Variants in WARS1 observed in about 807,000 individuals in gnomAD.
WARS1 encodes tryptophanyl-tRNA synthetase 1, also known as tryptophan--tRNA ligase, cytoplasmic.
Under a neutral mutation model 47.8 loss-of-function variants are expected in WARS1, and 17 were observed. The ratio of observed to expected loss-of-function variants is 0.36; its 90% CI spans 0.24 to 0.53. WARS1 has a LOEUF of 0.53. Among genes scored for constraint, WARS1 ranks in the 20% least tolerant of loss-of-function variants. The pLI is 0.91. For synonymous variants in WARS1, 208 were observed against 228.1 expected (o/e 0.91, Z 0.79); for missense variants, 434 against 608.0 (o/e 0.71, Z 3.01).
At position 100,361,869 on chromosome 14, in the gene WARS1, T is replaced by C. The variant is rs769820335; in HGVS notation, c.152A>G (p.Lys51Arg). The C allele has an allele frequency of 1.1e-5, 18 of 1,614,136 alleles. No individual in the cohort carries two copies. The East Asian group carries it at 4.0e-4, about 36-fold the overall frequency. The change falls in exon 3 of 11, where the codon AAA becomes AGA. Residue 51 changes from lysine (K) to arginine (R), a missense_variant. Lys to Arg is a conservative substitution (Grantham distance 26). This residue lies in a region of WARS1 where 87 missense variants were observed against 84.2 expected (regional missense o/e 1.03). Transcript: ENST00000392882. ...CTTGTAATCCTCCCCCGCGGCAGCT[T>C]TGTAGCTCATTTTTAATGACACCAA... Reference protein sequence around the residue: ...KMLVSLKMSYKAAAGEDYKAD... With the variant: ...KMLVSLKMSYRAAAGEDYKAD...
In WARS1 at chr14:100,346,861, A is replaced by G. The variant is rs374166102; in HGVS notation, c.726-15T>C. ...CTGAGCTCATCCTGCAAAGACAACG[A>G]GAATGAAATCCCAAACGGAGGGCGG... On this transcript the variant is annotated splice_polypyrimidine_tract_variant and intron_variant, in intron 6 of 10. Coordinates refer to ENST00000392882, the MANE Select transcript of WARS1 (RefSeq NM_004184.4). The G allele has an allele frequency of 6.2e-7, 1 of 1,608,600 alleles. No individual in the cohort carries two copies. Among genetic ancestry groups the G allele is most frequent in the Non-Finnish European group, 8.5e-7 (1 of 1,175,272 alleles).
At chr14:100,349,629 T>G (rs1894843517) in intron 6 of WARS1, among the ~76,000 whole-genome samples, 1 of 152,258 alleles carries the variant, frequency 6.6e-6, no homozygotes, top group Admixed American at 6.5e-5. Context: ...ATTTAAGGAC[T>G]TGCCCAAGGG....
At position 100,354,539 on chromosome 14, in the gene WARS1, A is replaced by G; in HGVS notation, c.450T>C (p.Tyr150=). Residue 150 remains tyrosine, a synonymous_variant, in exon 5 of 11, where the codon TAT becomes TAC. Transcript: ENST00000392882. The part of the protein sequence containing the change: ...HRDMNQVLDA[Y]ENKKPFYLYT... ...ACAGATAAAATGGCTTCTTATTTTCATAGGCATCAAGAACCTGATTCATAT... is the reference window on the plus strand; with the variant it reads ...ACAGATAAAATGGCTTCTTATTTTCGTAGGCATCAAGAACCTGATTCATAT... The G allele has an allele frequency of 1.2e-6, 2 of 1,613,612 alleles. No homozygotes were observed. Among genetic ancestry groups the G allele is most frequent in the Middle Eastern group, 1.7e-4 (1 of 6,060 alleles).
At chr14:100,344,768 G>A (rs1168937147) in intron 7 of WARS1, among the ~76,000 whole-genome samples, 4 of 150,916 alleles carry the variant, frequency 2.7e-5, no homozygotes, top group South Asian at 2.1e-4. Flanking sequence ...GCCTCTACCC[G>A]GCCGCGACCC....
intron 1 of WARS1, among the ~76,000 whole-genome samples, chr14:100,369,499 G>A (rs1896211504): frequency 6.6e-6 from 1 of 152,000 alleles, no homozygotes; most frequent in Non-Finnish European, 1.5e-5. Flanking sequence ...GACTTAAGGT[G>A]TGAATCTACT....
chr14:100,339,816 G>A (rs1369660266), intron 9 of WARS1: 1 of 152,062 alleles, frequency 6.6e-6, no homozygotes, highest in Non-Finnish European at 1.5e-5. Context: ...TGGCTTCCAG[G>A]GGCAGTTTGA....
rs59475595 is a variant in WARS1, at chr14:100,373,824, TTGTGTGTGTGTG to T, written c.-74+1447_-74+1458del. 6.3e-4 allele frequency among the ~76,000 whole-genome samples: 93 copies of T among 148,150 alleles called. No individual in the cohort carries two copies. Among genetic ancestry groups the T allele is most frequent in the East Asian group, 3.2e-3 (16 of 5,014 alleles). ...GGGAATCATCCACACTATTGAAATCTTGTGTGTGTGTGTGTGTGTGTGTGTGTGTGTGTGTGT... is the reference window on the plus strand; with the variant it reads ...GGGAATCATCCACACTATTGAAATCTTGTGTGTGTGTGTGTGTGTGTGTGT... On this transcript the variant is annotated intron_variant, in intron 1 of 10. Transcript: ENST00000392882. The surrounding 1 kb of genome is among the most constrained non-coding windows in gnomAD (Gnocchi z 4.4).
At chr14:100,366,179 A>T (rs1895981248) in intron 2 of WARS1, 1 of 449,080 alleles carries the variant, frequency 2.2e-6, no homozygotes, top group South Asian at 1.6e-5. Flanking sequence ...AGCTTCGGGG[A>T]AGGATCCCAC....
intron 4 of WARS1, among the ~76,000 whole-genome samples, chr14:100,358,037 T>C (rs887270865): frequency 1.3e-5 from 2 of 152,220 alleles, no homozygotes; most frequent in Non-Finnish European, 2.9e-5. Context: ...TCCTAGCTGC[T>C]GCTTTTGCAG....
intron 9 of WARS1, 151 bp downstream of exon 9, chr14:100,342,247 G>A (rs1193099073): frequency 9.5e-7 from 1 of 1,051,266 alleles, no homozygotes; most frequent in East Asian, 2.6e-5. Context: ...GAGTTCTGCA[G>A]GGAGCAAAGT....
rs1216391832 is a variant in WARS1 at position 100,333,946 on chromosome 14, C to T, written c.*929G>A. On this transcript the variant is annotated 3_prime_UTR_variant, in exon 11 of 11. Transcript: ENST00000392882. ...GATGAAATGAGGCCTGCCTAGACATCTGTGAGGGCCTCGAGGGCTGCTGCC... is the reference window on the plus strand; with the variant it reads ...GATGAAATGAGGCCTGCCTAGACATTTGTGAGGGCCTCGAGGGCTGCTGCC... 6.5e-6 allele frequency: 1 copy of T among 152,704 alleles called. No individual in the cohort carries two copies. Among genetic ancestry groups the T allele is most frequent in the Non-Finnish European group, 1.5e-5 (1 of 68,084 alleles). The allele number at this position is 152,704 out of a possible 1,614,324, so 9.5% of individuals were successfully genotyped here. A position where few individuals can be genotyped will look rare whatever the true frequency, so the allele number is the denominator to read the frequency against.
intron 6 of WARS1, among the ~76,000 whole-genome samples, chr14:100,348,681 G>C (rs561875070): frequency 1.8e-4 from 28 of 152,282 alleles, no homozygotes; most frequent in African/African-American, 6.7e-4. Context: ...GCAGCTGTCT[G>C]TCACCTGGGG....
In WARS1 at chr14:100,373,164, T is replaced by C. The variant is rs1014535380; in HGVS notation, c.-74+2119A>G. Among the ~76,000 whole-genome samples the C allele has an allele frequency of 6.6e-6, 1 of 152,214 alleles. No homozygotes were observed. The highest frequency in any genetic ancestry group is 2.4e-5 in the African/African-American group (1 of 41,442). On this transcript the variant is annotated intron_variant, in intron 1 of 10. Coordinates refer to ENST00000392882, the MANE Select transcript of WARS1 (RefSeq NM_004184.4). The surrounding 1 kb of genome is among the most constrained non-coding windows in gnomAD (Gnocchi z 4.4). ...CTGGCACACAGCTTATCAAAAAATA[T>C]TTACCTAATGAATGAATCTCCTTAG...
At chr14:100,367,617 AAAAAAAAAAAAAAAG>A (rs1896082533) in intron 2 of WARS1, among the ~76,000 whole-genome samples, 3 of 151,120 alleles carry the variant, frequency 2.0e-5, no homozygotes, top group Middle Eastern at 3.2e-3. Flanking sequence ...GCAAAAAAAA[AAAAAAAAAAAAAAAG>A]AAAGGCATAC....
intron 1 of WARS1, chr14:100,374,254 A>G (rs1449852665): frequency 2.0e-5 from 3 of 152,234 alleles, no homozygotes; most frequent in African/African-American, 7.2e-5. Flanking sequence ...CCTGTTTAAC[A>G]AATAGTACAC....
chr14:100,372,791 G>T (rs941929), intron 1 of WARS1, among the ~76,000 whole-genome samples: 6 of 151,992 alleles, frequency 3.9e-5, no homozygotes, highest in East Asian at 3.9e-4. Flanking sequence ...TCCATTACCA[G>T]GGAGTAGCTA....
chr14:100,343,124 G>C, intron 8 of WARS1, 151 bp downstream of exon 8: 1 of 487,574 alleles, frequency 2.1e-6, no homozygotes, highest in Non-Finnish European at 3.5e-6. Context: ...TGATCCGCCT[G>C]CCTTGGCCTC....
At chr14:100,345,067 C>T (rs1212867378) in intron 7 of WARS1, among the ~76,000 whole-genome samples, 1 of 150,922 alleles carries the variant, frequency 6.6e-6, no homozygotes, top group Admixed American at 6.6e-5. Context: ...AGCCCCCCGC[C>T]CGGCCAGCCG....
intron 6 of WARS1, chr14:100,352,991 A>G (rs1895090140): frequency 6.6e-6 from 1 of 152,252 alleles, no homozygotes; most frequent in African/African-American, 2.4e-5. Context: ...GTGCGTTGAA[A>G]AGGAGGAAGA....
Sources: allele counts gnomAD v4.1 joint callset (sites outside exome capture counted in the v4.1 genomes callset), GRCh38; gene constraint gnomAD v4.1.1; regional missense constraint gnomAD v4.1.1; non-coding constraint Gnocchi (gnomAD v3.1); transcripts MANE v1.5; gene names NCBI Gene and HGNC (gene_info 2026-07-23, HGNC 2026-07-21).